Variants in CAST observed in about 807,000 individuals in gnomAD.
CAST encodes the protein MIR583 host.
In CAST, 76 loss-of-function variants were observed where a neutral mutation model predicts 119.6. The ratio of observed to expected loss-of-function variants is 0.64; its 90% CI spans 0.53 to 0.77. The LOEUF is 0.77. CAST is among the 30% of genes least tolerant of loss of function. The pLI, the probability that CAST is intolerant of heterozygous loss-of-function variation, is 0.00. For missense variants in CAST, 953 were observed against 946.5 expected, an observed-to-expected ratio of 1.01 and a Z score of -0.09; for synonymous variants, 319 against 331.6, an observed-to-expected ratio of 0.96 and a Z score of 0.41.
chr5:96,505,053 T>A, the CAST span, among the ~76,000 whole-genome samples: 2 of 152,230 alleles, frequency 1.3e-5, no homozygotes, highest in Non-Finnish European at 2.9e-5. Context: ...ATAGTGTCTC[T>A]GCTATGAACA....
the CAST span, among the ~76,000 whole-genome samples, chr5:96,379,384 A>T: frequency 6.6e-6 from 1 of 152,192 alleles, no homozygotes; most frequent in African/African-American, 2.4e-5. Context: ...GTATTTAGTG[A>T]ATCCATTCAC....
the CAST span, among the ~76,000 whole-genome samples, chr5:96,021,334 C>T: frequency 2.6e-5 from 4 of 152,206 alleles, no homozygotes; most frequent in African/African-American, 9.6e-5. Context: ...TAGATGCCTC[C>T]CAGTATTTAG....
At chr5:96,421,056 G>C in the CAST span, among the ~76,000 whole-genome samples, 1 of 152,168 alleles carries the variant, frequency 6.6e-6, no homozygotes, top group Non-Finnish European at 1.5e-5. Context: ...TGAGAACATC[G>C]GTATGAGCAA....
chr5:96,606,167 C>CA (rs1242312981), intron 1 of CAST, among the ~76,000 whole-genome samples: 6 of 150,990 alleles, frequency 4.0e-5, no homozygotes, highest in African/African-American at 1.2e-4. Flanking sequence ...ACAACAACAA[C>CA]AACAAAAAAA....
At chr5:96,550,812 T>A (rs957735822) in intron 1 of CAST, among the ~76,000 whole-genome samples, 1 of 152,164 alleles carries the variant, frequency 6.6e-6, no homozygotes, top group Non-Finnish European at 1.5e-5. Flanking sequence ...GAAGAAAGGA[T>A]ATCAGTGATT....
chr5:96,505,429 G>A, the CAST span, among the ~76,000 whole-genome samples: 18,295 of 151,656 alleles, frequency 0.12, 1,845 homozygotes, highest in East Asian at 0.3. Context: ...GCAGTGAGCC[G>A]AGACCCGCCA....
intron 1 of CAST, among the ~76,000 whole-genome samples, chr5:96,581,893 A>AAATAAAT (rs1746776676): frequency 6.7e-6 from 1 of 149,210 alleles, no homozygotes; most frequent in Non-Finnish European, 1.5e-5. Flanking sequence ...TCTGTCTCAA[A>AAATAAAT]AAATAAATAA....
At chr5:96,471,486 C>T in the CAST span, among the ~76,000 whole-genome samples, 7 of 152,088 alleles carry the variant, frequency 4.6e-5, no homozygotes, top group South Asian at 4.1e-4. Context: ...TATGTAAAAA[C>T]GACTGCTACA....
intron 1 of CAST, among the ~76,000 whole-genome samples, chr5:96,655,382 G>C (rs1023213707): frequency 1.2e-4 from 18 of 152,164 alleles, no homozygotes; most frequent in African/African-American, 4.3e-4. Context: ...GAAAAGGCAG[G>C]GAGAAGGATA....
chr5:96,765,872 AT>A (rs1769760087), intron 26 of CAST, among the ~76,000 whole-genome samples, 180 bp from the exon 27 acceptor site: 1 of 152,232 alleles, frequency 6.6e-6, no homozygotes. Flanking sequence ...GGGATTTTAT[AT>A]TTTAGCCAAC....
At chr5:96,044,176 T>C in the CAST span, among the ~76,000 whole-genome samples, 1 of 152,196 alleles carries the variant, frequency 6.6e-6, no homozygotes, top group African/African-American at 2.4e-5. Flanking sequence ...GGGAAAATCG[T>C]TCAGCAGTGC....
Position 96,770,598 on chromosome 5 carries a change from C to G in CAST, c.2336C>G (p.Ala779Gly). 6.2e-7 allele frequency: 1 copy of G among 1,608,020 alleles called. No individual in the cohort carries two copies. The highest frequency in any genetic ancestry group is 8.5e-7 in the Non-Finnish European group (1 of 1,174,774). Residue 779 changes from alanine (A) to glycine (G), a missense_variant, in exon 30 of 32, where the codon GCA (alanine) becomes GGA (glycine). Transcript: ENST00000675179. ...AATGGAGGTAAAGCGAAGGATTCAG[C>G]AAAGGTAAATGGAGCAGTAAATATA... ...PKNGGKAKDS[A>G]KTTEETSKPK...
chr5:96,406,790 T>C, the CAST span, among the ~76,000 whole-genome samples: 2 of 152,248 alleles, frequency 1.3e-5, no homozygotes, highest in Non-Finnish European at 2.9e-5. Context: ...ATAATCTCCT[T>C]ATTAGGAAGG....
At chr5:96,602,399 G>T (rs2150194288) in intron 1 of CAST, among the ~76,000 whole-genome samples, 1 of 152,256 alleles carries the variant, frequency 6.6e-6, no homozygotes. Flanking sequence ...ATTCTGTGGA[G>T]GAACACAGCA....
chr5:96,602,506 C>T (rs1338375482), intron 1 of CAST, among the ~76,000 whole-genome samples: 1 of 152,190 alleles, frequency 6.6e-6, no homozygotes, highest in Non-Finnish European at 1.5e-5. Context: ...AATCCCAGCA[C>T]TTTGGGAGGC....
chr5:96,364,773 A>G, the CAST span, among the ~76,000 whole-genome samples: 1 of 152,222 alleles, frequency 6.6e-6, no homozygotes, highest in East Asian at 1.9e-4. Flanking sequence ...TCAAAAAACC[A>G]GTTCTTGGAT....
At chr5:96,175,098 T>C in the CAST span, among the ~76,000 whole-genome samples, 14,656 of 152,216 alleles carry the variant, frequency 0.096, 859 homozygotes, top group East Asian at 0.21. Flanking sequence ...AAGACATAGA[T>C]TTTTCTTATT....
the CAST span, among the ~76,000 whole-genome samples, chr5:96,417,673 C>T: frequency 6.6e-6 from 1 of 152,078 alleles, no homozygotes; most frequent in South Asian, 2.1e-4. Context: ...GATCTTGAAA[C>T]ATCAGAAACT....
At chr5:96,245,244 C>A in the CAST span, among the ~76,000 whole-genome samples, 5 of 152,108 alleles carry the variant, frequency 3.3e-5, no homozygotes, top group Non-Finnish European at 7.4e-5. Flanking sequence ...TGGATAGAGT[C>A]CCGAATATAT....
Sources: allele counts gnomAD v4.1 joint callset (sites outside exome capture counted in the v4.1 genomes callset), GRCh38; gene constraint gnomAD v4.1.1; transcripts MANE v1.5; gene names NCBI Gene and HGNC (gene_info 2026-07-23, HGNC 2026-07-21).